Variants in RRN3 observed in about 807,000 individuals in gnomAD.
RRN3 encodes RNA polymerase I transcription factor RRN3.
RRN3 carries 38 observed loss-of-function variants against 82.3 expected under a neutral mutation model. The ratio of observed to expected loss-of-function variants is 0.46; its 90% CI spans 0.36 to 0.61. RRN3 has a LOEUF of 0.61. RRN3 is among the 20% of genes least tolerant of loss of function. The pLI is 0.00. For synonymous variants in RRN3, 284 were observed against 284.3 expected (o/e 1.00, Z 0.01); for missense variants, 726 against 793.1 (o/e 0.92, Z 1.02).
intron 15 of RRN3, among the ~76,000 whole-genome samples, chr16:15,066,212 G>A (rs1309032584): frequency 6.6e-6 from 1 of 152,164 alleles, no homozygotes; most frequent in East Asian, 1.9e-4. Flanking sequence ...CCACACTGGA[G>A]GGTGGTTTGC....
rs1215481679 is a variant in RRN3 at position 15,066,818 on chromosome 16, C to T, written c.1553+1351G>A. Reference sequence around the variant, plus strand: ...ACAGAATGGTACACGCCTTTATTTACCATATCTGTACCTAGGCAGAGACTT... The same window carrying T: ...ACAGAATGGTACACGCCTTTATTTATCATATCTGTACCTAGGCAGAGACTT... On this transcript the variant is annotated intron_variant, in intron 15 of 17. Transcript: ENST00000198767. Among the ~76,000 whole-genome samples, 3 of 151,590 alleles carry T rather than the reference C, an allele frequency of 2.0e-5. No homozygotes were observed. In the East Asian group the frequency reaches 5.8e-4, roughly 29 times the overall value.
At chr16:15,070,723 G>A (rs2045188596) in intron 13 of RRN3, among the ~76,000 whole-genome samples, 1 of 152,004 alleles carries the variant, frequency 6.6e-6, no homozygotes, top group African/African-American at 2.4e-5. Flanking sequence ...ATGGGCCACT[G>A]GAAGAAACTG....
chr16:15,072,430 C>A (rs1350213725), intron 12 of RRN3, among the ~76,000 whole-genome samples: 1 of 152,072 alleles, frequency 6.6e-6, no homozygotes, highest in African/African-American at 2.4e-5. Context: ...CACCTAGTGA[C>A]CAAAAGGCAG....
chr16:15,061,375 A>T lies in RRN3; in HGVS notation c.*369T>A. The T allele has an allele frequency of 4.7e-6, 1 of 212,678 alleles. No homozygotes were observed. Among genetic ancestry groups the T allele is most frequent in the Non-Finnish European group, 9.3e-6 (1 of 108,096 alleles). 13.2% of individuals were successfully genotyped at this position (212,678 alleles called of 1,614,324 possible). On this transcript the variant is annotated 3_prime_UTR_variant, in exon 18 of 18. Coordinates refer to ENST00000198767, the MANE Select transcript of RRN3 (RefSeq NM_018427.5). Reference sequence around the variant, plus strand: ...TCCTAAGACCATGGATCTGACAAAAACCCATGTTAAAACAGCAACCCGTAA... The same window carrying T: ...TCCTAAGACCATGGATCTGACAAAATCCCATGTTAAAACAGCAACCCGTAA...
intron 16 of RRN3, among the ~76,000 whole-genome samples, chr16:15,063,736 CAA>C (rs2044827991): frequency 7.1e-6 from 1 of 140,664 alleles, no homozygotes; most frequent in Non-Finnish European, 1.6e-5. Context: ...AAAAACAAAA[CAA>C]AAAAACAACC....
Position 15,060,987 on chromosome 16 carries a change from T to A in RRN3, c.*757A>T, listed in dbSNP as rs1022910999. 2 of 152,136 alleles carry A rather than the reference T, an allele frequency of 1.3e-5. No homozygotes were observed. The highest frequency in any genetic ancestry group is 2.9e-5 in the Non-Finnish European group (2 of 68,052). The allele number at this position is 152,136 out of a possible 1,614,324, so 9.4% of individuals were successfully genotyped here. ...TACACAAGCCCGAACTCACTTTCAG[T>A]CTGTGTGAATTACATCTACCTGGAC... On this transcript the variant is annotated 3_prime_UTR_variant, in exon 18 of 18. Coordinates refer to ENST00000198767, the MANE Select transcript of RRN3 (RefSeq NM_018427.5).
At chr16:15,089,447 T>C (rs547078891) in intron 3 of RRN3, among the ~76,000 whole-genome samples, 1 of 152,038 alleles carries the variant, frequency 6.6e-6, no homozygotes, top group South Asian at 2.1e-4. Flanking sequence ...AAGAGTCAAG[T>C]TTTGAAGCCC....
intron 3 of RRN3, among the ~76,000 whole-genome samples, chr16:15,090,849 C>T (rs1228637065): frequency 6.6e-6 from 1 of 150,504 alleles, no homozygotes; most frequent in Non-Finnish European, 1.5e-5. Flanking sequence ...TATCTCGAAC[C>T]TGGAAATGCT....
At position 15,092,343 on chromosome 16, in the gene RRN3, G is replaced by C. The variant is rs544083227; in HGVS notation, c.195+166C>G. ...ATGGGCCAAGGTGGGGGAAAAAAAG[G>C]ACACTATTACTCTAATTTTGCACTG... On this transcript the variant is annotated intron_variant, in intron 2 of 17. Coordinates refer to ENST00000198767, the MANE Select transcript of RRN3 (RefSeq NM_018427.5). Among the ~76,000 whole-genome samples the C allele has an allele frequency of 3.9e-5, 6 of 152,216 alleles. No homozygotes were observed. The South Asian group carries it at 1.2e-3, about 32-fold the overall frequency.
intron 15 of RRN3, among the ~76,000 whole-genome samples, chr16:15,067,514 C>A (rs976078875): frequency 1.5e-5 from 2 of 136,516 alleles, no homozygotes; most frequent in African/African-American, 5.2e-5. Context: ...AGCTACCAGA[C>A]CTGAGAGAAC....
intron 10 of RRN3, among the ~76,000 whole-genome samples, chr16:15,075,313 TA>T (rs1268277642): frequency 4.7e-5 from 7 of 148,810 alleles, no homozygotes; most frequent in African/African-American, 1.7e-4. Context: ...GGCTCACGCC[TA>T]TAATTACCAA....
chr16:15,085,736 G>A, intron 5 of RRN3, 38 bp from the exon 6 acceptor site: 1 of 1,611,128 alleles, frequency 6.2e-7, no homozygotes, highest in Non-Finnish European at 8.5e-7. Flanking sequence ...TTCTGTCATT[G>A]ATCTAGACAA....
chr16:15,079,725 T>A (rs1360110142), intron 9 of RRN3, among the ~76,000 whole-genome samples: 2 of 152,178 alleles, frequency 1.3e-5, no homozygotes, highest in Non-Finnish European at 2.9e-5. Flanking sequence ...CCTGAGTAGC[T>A]GGGATTACAG....
intron 15 of RRN3, among the ~76,000 whole-genome samples, chr16:15,066,458 C>T (rs1597883001): frequency 6.6e-6 from 1 of 152,048 alleles, no homozygotes; most frequent in South Asian, 2.1e-4. Context: ...CATGATGAAA[C>T]CCCATCTCTA....
chr16:15,068,422 G>A, intron 14 of RRN3, 145 bp from the exon 15 acceptor site: 1 of 1,023,050 alleles, frequency 9.8e-7, no homozygotes, highest in South Asian at 1.9e-5. Context: ...GGTCCATGCA[G>A]ATAGTCACAC....
At chr16:15,068,344 A>G in intron 14 of RRN3, 67 bp from the exon 15 acceptor site, 1 of 1,503,726 alleles carries the variant, frequency 6.7e-7, no homozygotes, top group South Asian at 1.3e-5. Flanking sequence ...AGATACTTTT[A>G]AAAGCACAAA....
chr16:15,079,668 C>T (rs1164657876), intron 9 of RRN3, among the ~76,000 whole-genome samples: 1 of 151,748 alleles, frequency 6.6e-6, no homozygotes. Flanking sequence ...TCTCAGCTCA[C>T]TGCAAGATCT....
In RRN3 at chr16:15,061,743, G is replaced by A. The variant is rs750032752; in HGVS notation, c.*1C>T. 66 of 1,605,984 alleles carry A rather than the reference G, an allele frequency of 4.1e-5. No homozygotes were observed. In the Middle Eastern group the frequency reaches 1.0e-3, roughly 25 times the overall value. ...CACATCTCAGTCACAAATTTCTGCCGTCAGAGGGGACTGGGTTGCATGTAC... is the reference window on the plus strand; with the variant it reads ...CACATCTCAGTCACAAATTTCTGCCATCAGAGGGGACTGGGTTGCATGTAC... On this transcript the variant is annotated 3_prime_UTR_variant, in exon 18 of 18. Transcript: ENST00000198767.
chr16:15,087,597 A>T (rs2045958534), intron 3 of RRN3, among the ~76,000 whole-genome samples: 1 of 152,172 alleles, frequency 6.6e-6, no homozygotes, highest in Admixed American at 6.5e-5. Flanking sequence ...TGAAATCCCA[A>T]GTAGCCTGGC....
Sources: allele counts gnomAD v4.1 joint callset (sites outside exome capture counted in the v4.1 genomes callset), GRCh38; gene constraint gnomAD v4.1.1; transcripts MANE v1.5; gene names NCBI Gene and HGNC (gene_info 2026-07-23, HGNC 2026-07-21).